The following CEP63 variants were observed in gnomAD, a reference collection of about 807,000 sequenced individuals.
CEP63 encodes the protein centrosomal protein of 63 kDa.
A neutral mutation model predicts 89.1 loss-of-function variants in CEP63; 84 were observed. The observed-to-expected ratio is 0.94, with a 90% CI of 0.79 to 1.13. The LOEUF (loss-of-function observed/expected upper bound fraction) is 1.13. Ranked by LOEUF, CEP63 falls within the 50% of genes most tolerant of loss-of-function variation. CEP63 has a pLI of 0.00. For synonymous variants in CEP63, 267 were observed against 272.5 expected (o/e 0.98, Z 0.20); for missense variants, 838 against 813.3 (o/e 1.03, Z -0.37).
At chr3:134,737,228 G>C in the CEP63 span, among the ~76,000 whole-genome samples, 1 of 152,040 alleles carries the variant, frequency 6.6e-6, no homozygotes, top group Non-Finnish European at 1.5e-5. Flanking sequence ...ATTTTTCATG[G>C]CTTTAGGGTT....
In CEP63 at chr3:134,574,594, A is replaced by T. The variant is rs559172792; in HGVS notation, c.1330-199A>T. Among the ~76,000 whole-genome samples, 174 of 152,246 alleles carry T rather than the reference A, an allele frequency of 1.1e-3. 1 individual carries two copies. The highest frequency in any genetic ancestry group is 3.7e-3 in the African/African-American group (155 of 41,546). Reference sequence around the variant, plus strand: ...AAATATTTGATTAGATTCAAAATTTATCCATAATATTGCTAAGATTTTGTT... The same window carrying T: ...AAATATTTGATTAGATTCAAAATTTTTCCATAATATTGCTAAGATTTTGTT... On this transcript the variant is annotated intron_variant, in intron 11 of 11. Transcript: ENST00000354446.
chr3:134,749,467 A>G, the CEP63 span, among the ~76,000 whole-genome samples: 1 of 152,092 alleles, frequency 6.6e-6, no homozygotes, highest in Non-Finnish European at 1.5e-5. Context: ...TGAACCAGGT[A>G]TATGGGGTGG....
intron 1 of CEP63, among the ~76,000 whole-genome samples, chr3:134,494,439 C>G (rs1939008156): frequency 6.6e-6 from 1 of 152,036 alleles, no homozygotes; most frequent in Non-Finnish European, 1.5e-5. Context: ...ATATGGCAGT[C>G]TTCTATCTCC....
rs1282295475 is a variant in CEP63 at position 134,570,898 on chromosome 3, A to G, written c.1330-3895A>G. 2.6e-5 allele frequency among the ~76,000 whole-genome samples: 4 copies of G among 152,220 alleles called. No individual in the cohort carries two copies. The East Asian group carries it at 7.7e-4, about 29-fold the overall frequency. ...GGCAAGAAGGAGCAAGTCACATCTT[A>G]CATGGAGGGCAGCAGGCAAAAAGAG... On this transcript the variant is annotated intron_variant, in intron 11 of 11. Transcript: ENST00000354446.
the CEP63 span, among the ~76,000 whole-genome samples, chr3:134,781,557 G>A: frequency 3.3e-5 from 5 of 151,514 alleles, no homozygotes; most frequent in African/African-American, 7.4e-5. Flanking sequence ...AGGGTACTAC[G>A]CTCACTACCT....
chr3:134,596,764 G>A, the CEP63 span, among the ~76,000 whole-genome samples: 2 of 152,318 alleles, frequency 1.3e-5, no homozygotes, highest in Middle Eastern at 3.4e-3. Context: ...CATCCTAGGG[G>A]CAGAACCTCC....
At chr3:134,576,709 A>T (rs1229363731), downstream of CEP63, among the ~76,000 whole-genome samples, 5 of 152,134 alleles carry the variant, frequency 3.3e-5, no homozygotes, top group Admixed American at 6.5e-5. Flanking sequence ...TGTAGATGGA[A>T]CTCCGTATGT....
At position 134,495,566 on chromosome 3, in the gene CEP63, T is replaced by A. The variant is rs1396720127; in HGVS notation, c.44+202T>A. ...TAGCTACTTTGAAATATATAGTAAA[T>A]TTTTAAAGTTTAAGGAACCTTACTG... On this transcript the variant is annotated intron_variant, in intron 2 of 14. Transcript: ENST00000675561. 8.5e-5 allele frequency among the ~76,000 whole-genome samples: 13 copies of A among 152,278 alleles called. No homozygotes were observed. In the East Asian group the frequency reaches 2.5e-3, roughly 29 times the overall value.
chr3:134,650,992 G>A, the CEP63 span: 1 of 1,612,354 alleles, frequency 6.2e-7, no homozygotes, highest in East Asian at 2.2e-5. Flanking sequence ...TGGGCGCCGC[G>A]GCCGCACGCT....
At chr3:134,769,113 A>ATT in the CEP63 span, among the ~76,000 whole-genome samples, 4 of 151,916 alleles carry the variant, frequency 2.6e-5, no homozygotes, top group Admixed American at 6.6e-5. Context: ...AAGAAGTGTG[A>ATT]TTTTTTTTGT....
intron 3 of CEP63, among the ~76,000 whole-genome samples, chr3:134,520,759 A>G (rs538769209): frequency 6.6e-5 from 10 of 152,258 alleles, no homozygotes; most frequent in Middle Eastern, 3.4e-3. Context: ...TCATGACAAG[A>G]TGACACTGCA....
chr3:134,587,292 T>G (rs1164730127), intron 10 of CEP63, among the ~76,000 whole-genome samples: 1 of 152,206 alleles, frequency 6.6e-6, no homozygotes, highest in Non-Finnish European at 1.5e-5. Flanking sequence ...TTTAGAATTT[T>G]CAGCTTTTCT....
chr3:134,502,589 T>G (rs907230999), intron 2 of CEP63, among the ~76,000 whole-genome samples: 7 of 152,196 alleles, frequency 4.6e-5, no homozygotes. Context: ...TTCCTCTAGA[T>G]TTTCTAGCCT....
At position 134,515,086 on chromosome 3, in the gene CEP63, G is replaced by C. The variant is rs142321825; in HGVS notation, c.222+7800G>C. Among the ~76,000 whole-genome samples, 176 of 152,298 alleles carry C rather than the reference G, an allele frequency of 1.2e-3. 2 individuals carry two copies. Among genetic ancestry groups the C allele is most frequent in the Middle Eastern group, 0.01 (3 of 294 alleles). On this transcript the variant is annotated intron_variant, in intron 3 of 14. Coordinates refer to ENST00000675561, the MANE Select transcript of CEP63 (RefSeq NM_001353108.3). ...GGCAATGGTGTTATATTTAAGTCAGGTTGGGATAAATGGAATTGAAGTATT... is the reference window on the plus strand; with the variant it reads ...GGCAATGGTGTTATATTTAAGTCAGCTTGGGATAAATGGAATTGAAGTATT...
At chr3:134,668,744 T>C in the CEP63 span, among the ~76,000 whole-genome samples, 1 of 152,334 alleles carries the variant, frequency 6.6e-6, no homozygotes, top group East Asian at 1.9e-4. Context: ...TCACATCTTG[T>C]AGATTTCCAC....
the CEP63 span, among the ~76,000 whole-genome samples, chr3:134,765,701 A>AG: frequency 1.3e-5 from 2 of 152,114 alleles, no homozygotes; most frequent in African/African-American, 4.8e-5. Flanking sequence ...AGAGAGGAGT[A>AG]GGGGGCGTAA....
At chr3:134,761,113 T>G in the CEP63 span, among the ~76,000 whole-genome samples, 1 of 152,174 alleles carries the variant, frequency 6.6e-6, no homozygotes, top group African/African-American at 2.4e-5. Flanking sequence ...AGGAAGAACC[T>G]GGAAGCAATT....
the CEP63 span, among the ~76,000 whole-genome samples, chr3:134,730,335 G>A: frequency 6.6e-6 from 1 of 152,082 alleles, no homozygotes; most frequent in East Asian, 1.9e-4. Flanking sequence ...AGGCAGGTTG[G>A]GGATATTCTG....
At chr3:134,706,840 G>A in the CEP63 span, among the ~76,000 whole-genome samples, 31 of 152,166 alleles carry the variant, frequency 2.0e-4, 1 homozygote, top group South Asian at 1.2e-3. Flanking sequence ...TTTTTGGCTC[G>A]TAGATGCATC....
Sources: allele counts gnomAD v4.1 joint callset (sites outside exome capture counted in the v4.1 genomes callset), GRCh38; gene constraint gnomAD v4.1.1; transcripts MANE v1.5; gene names NCBI Gene and HGNC (gene_info 2026-07-23, HGNC 2026-07-21).